AGRN: variants seen among roughly 807,000 people sequenced by gnomAD.
The protein encoded by AGRN is agrin.
A neutral mutation model predicts 211.0 loss-of-function variants in AGRN; 106 were observed. That is an observed-to-expected ratio of 0.50 (90% CI 0.43 to 0.59). The LOEUF (loss-of-function observed/expected upper bound fraction) is 0.59. Ranked by LOEUF, AGRN falls within the 20% of genes least tolerant of loss-of-function variation. AGRN has a pLI of 0.00. For missense variants in AGRN, 3,040 were observed against 2,982.6 expected (o/e 1.02, Z -0.45); for synonymous variants, 1,525 against 1,332.5 (o/e 1.14, Z -3.15).
chr1:1,036,024 T>G (rs1180509078), intron 3 of AGRN, among the ~76,000 whole-genome samples: 3 of 152,096 alleles, frequency 2.0e-5, no homozygotes, highest in African/African-American at 7.2e-5. Context: ...GGTGGCTCCC[T>G]CGCCAGGCCT....
intron 2 of AGRN, chr1:1,034,974 A>G (rs1353895366): frequency 7.7e-6 from 4 of 522,270 alleles, no homozygotes; most frequent in Non-Finnish European, 1.0e-5. Context: ...GGGGTAGGGC[A>G]GGACCTGCGG....
Position 1,040,546 on chromosome 1 carries a change from C to T in AGRN, c.512-119C>T. The T allele has an allele frequency of 2.4e-6, 3 of 1,248,030 alleles. No homozygotes were observed. The Admixed American group carries it at 6.1e-5, about 25-fold the overall frequency. 77.3% of individuals were successfully genotyped at this position (1,248,030 alleles called of 1,614,324 possible). On this transcript the variant is annotated intron_variant, in intron 3 of 35. Coordinates refer to ENST00000379370, the MANE Select transcript of AGRN (RefSeq NM_198576.4). ...CGCGTGTCCGTGTCCGTGGTGGACC[C>T]CCGATGCGGCGCGGGGGCGGGTGAA...
Position 1,046,035 on chromosome 1 carries a change from T to G in AGRN, c.2752T>G (p.Ser918Ala). The change falls in exon 16 of 36, where the codon TCA becomes GCA. Residue 918 changes from serine to alanine, a missense_variant. Ser to Ala is a moderately conservative substitution (Grantham distance 99, BLOSUM62 1). Coordinates refer to ENST00000379370, the MANE Select transcript of AGRN (RefSeq NM_198576.4). ...FGARCVEESG[S>A]AHCVCPMLTC... is the part of the protein sequence containing the mutation. ...TGCGCGGTGCGTGGAGGAGTCTGGC[T>G]CAGCCCACTGTGTCTGCCCGATGCT... 1 of 1,614,032 alleles carries G rather than the reference T, an allele frequency of 6.2e-7. No individual in the cohort carries two copies. The highest frequency in any genetic ancestry group is 1.1e-5 in the South Asian group (1 of 91,088).
At chr1:1,051,850 T>C (rs374968518) in intron 33 of AGRN, 35 bp downstream of exon 33, 1 of 1,611,858 alleles carries the variant, frequency 6.2e-7, no homozygotes, top group Non-Finnish European at 8.5e-7. Flanking sequence ...GTCGGTTCCA[T>C]CTGTGCCCTC....
rs925423067 is a variant in AGRN at position 1,049,337 on chromosome 1, C to T, written c.4400C>T (p.Thr1467Ile). The change falls in exon 25 of 36, where the codon ACC (threonine) becomes ATC (isoleucine). Residue 1467 changes from threonine (T) to isoleucine (I), a missense_variant. Physicochemically the swap from Thr to Ile is moderately conservative, Grantham distance 89. Coordinates refer to ENST00000379370, the MANE Select transcript of AGRN (RefSeq NM_198576.4). Reference protein sequence around the residue: ...LELSRHWRRGTLSVDGETPVL... With the variant: ...LELSRHWRRGILSVDGETPVL... ...CTGTCCCGGCACTGGCGCCGGGGCACCCTCTCGGTGGATGGTGAGACCCCT... is the reference window on the plus strand; with the variant it reads ...CTGTCCCGGCACTGGCGCCGGGGCATCCTCTCGGTGGATGGTGAGACCCCT... The T allele has an allele frequency of 5.6e-6, 9 of 1,598,100 alleles. No homozygotes were observed. The African/African-American group carries it at 1.2e-4, about 21-fold the overall frequency.
At chr1:1,052,318 CTG>C (rs1178047975) in intron 33 of AGRN, 2 of 350,836 alleles carry the variant, frequency 5.7e-6, no homozygotes, top group African/African-American at 2.1e-5. Flanking sequence ...GCAGCTGTGT[CTG>C]TGCGTGTCTA....
rs369442516 is a variant in AGRN, at chr1:1,043,315, G to A, written c.1461G>A (p.Ala487=). The A allele has an allele frequency of 4.0e-5, 65 of 1,610,918 alleles. No individual in the cohort carries two copies. The African/African-American group carries it at 6.9e-4, about 17-fold the overall frequency. ...GTGCTGTGAAGAACGGGCAGGCAGC[G>A]TGTGAATGCCTGCAGGCGTGCTCGA... The part of the protein sequence containing the change: ...ATCAVKNGQA[A]CECLQACSSL... The change falls in exon 8 of 36, where the codon GCG becomes GCA. Residue 487 remains alanine (A), a synonymous_variant. Coordinates refer to ENST00000379370, the MANE Select transcript of AGRN (RefSeq NM_198576.4).
Position 1,049,895 on chromosome 1 carries a change from C to G in AGRN, c.4745-8C>G. On this transcript the variant is annotated splice_region_variant and splice_polypyrimidine_tract_variant and intron_variant, in intron 26 of 35. Coordinates refer to ENST00000379370, the MANE Select transcript of AGRN (RefSeq NM_198576.4). ...ACCTCGGTCCCGGTCCCGTCTTCCT[C>G]CATCCAGGACCAACCTGTGCCGATG... is the stretch of plus-strand genomic sequence containing the variant. 3.7e-6 allele frequency: 6 copies of G among 1,612,010 alleles called. No homozygotes were observed. The highest frequency in any genetic ancestry group is 5.1e-6 in the Non-Finnish European group (6 of 1,179,692).
At chr1:1,038,257 A>G (rs2100619496) in intron 3 of AGRN, among the ~76,000 whole-genome samples, 1 of 152,264 alleles carries the variant, frequency 6.6e-6, no homozygotes, top group Non-Finnish European at 1.5e-5. Flanking sequence ...AGGGGCCAGG[A>G]CCTGGCCCTG....
intron 2 of AGRN, among the ~76,000 whole-genome samples, chr1:1,030,101 A>G (rs28971853): frequency 0.047 from 792 of 16,690 alleles, 38 homozygotes; most frequent in East Asian, 0.16. Context: ...TGAGATCAGC[A>G]TGTGTGTGTG....
Position 1,054,925 on chromosome 1 carries a change from C to A in AGRN, c.6082C>A (p.His2028Asn), listed in dbSNP as rs768371328. The change falls in exon 36 of 36, where the codon CAC becomes AAC. Residue 2028 changes from histidine (H) to asparagine (N), a missense_variant. This residue lies in a region of AGRN where 1,537 missense variants were observed against 1,505.0 expected (regional missense o/e 1.02). Transcript: ENST00000379370. ...CGTGGTGGTGGGCCGGCACCCGCTG[C>A]ACCTGCTGGAGGACGCCGTCACCAA... Reference protein sequence around the residue: ...RDVVVGRHPLHLLEDAVTKPE... With the variant: ...RDVVVGRHPLNLLEDAVTKPE... 1.9e-6 allele frequency: 3 copies of A among 1,548,706 alleles called. No homozygotes were observed. In the African/African-American group the frequency reaches 4.1e-5, roughly 21 times the overall value.
In AGRN at chr1:1,043,840, G is replaced by A. The variant is rs747982009; in HGVS notation, c.1816G>A (p.Val606Met). 8.1e-6 allele frequency: 13 copies of A among 1,611,372 alleles called. No individual in the cohort carries two copies. The highest frequency in any genetic ancestry group is 2.7e-5 in the African/African-American group (2 of 74,978). The change falls in exon 10 of 36, where the codon GTG (valine) becomes ATG (methionine). Residue 606 changes from valine to methionine, a missense_variant. Physicochemically the swap from Val to Met is conservative, Grantham distance 21. Around this residue, in one of 3 missense-constraint regions of AGRN, gnomAD observed 1,498 missense variants for 1,457.8 expected, o/e 1.03. Coordinates refer to ENST00000379370, the MANE Select transcript of AGRN (RefSeq NM_198576.4). The stretch of plus-strand genomic sequence containing the variant: ...TCCTGCAGAGACCTGTGGAGATGCC[G>A]TGTGTGCTTTTGGGGCTGTGTGCTC... Reference protein sequence around the residue: ...AGPCETCGDAVCAFGAVCSAG... With the variant: ...AGPCETCGDAMCAFGAVCSAG...
In AGRN at chr1:1,049,513, G is replaced by A. The variant is rs541879213; in HGVS notation, c.4515-53G>A. 1.9e-6 allele frequency: 3 copies of A among 1,595,534 alleles called. No homozygotes were observed. The South Asian group carries it at 3.4e-5, about 18-fold the overall frequency. Reference sequence around the variant, plus strand: ...GCCCTTTGGGGTCCCGGTGTACGAGGTGGCTTTGCCTGTGGCCCCTGAGCC... The same window carrying A: ...GCCCTTTGGGGTCCCGGTGTACGAGATGGCTTTGCCTGTGGCCCCTGAGCC... On this transcript the variant is annotated intron_variant, in intron 25 of 35. Transcript: ENST00000379370.
rs1466440561 is a variant in AGRN at position 1,046,228 on chromosome 1, C to A, written c.2874C>A (p.Gly958=). 4 of 1,613,614 alleles carry A rather than the reference C, an allele frequency of 2.5e-6. No homozygotes were observed. Among genetic ancestry groups the A allele is most frequent in the South Asian group, 1.1e-5 (1 of 91,084 alleles). Residue 958 remains glycine (G), a synonymous_variant, in exon 17 of 36, where the codon GGC becomes GGA. Transcript: ENST00000379370. ...TGAAGACCATCGCCTGCCGCCAGGG[C>A]CTGCAAATCTCTATCCAGAGCCTGG... ...CQLKTIACRQ[G]LQISIQSLGP... is the part of the protein sequence containing the mutation.
chr1:1,046,425 A>C lies in AGRN; in HGVS notation c.2940A>C (p.Thr980=), dbSNP rs777226145. ...QEAVAPSTHP[T]SASVTVTTPG... ...CTGTTGCTCCCAGCACTCACCCGACATCTGCCTCCGTGACTGTGACCACCC... is the reference window on the plus strand; with the variant it reads ...CTGTTGCTCCCAGCACTCACCCGACCTCTGCCTCCGTGACTGTGACCACCC... The change falls in exon 18 of 36, where the codon ACA becomes ACC. Residue 980 remains threonine, a synonymous_variant. Transcript: ENST00000379370. 1.2e-6 allele frequency: 2 copies of C among 1,611,706 alleles called. No individual in the cohort carries two copies. Among genetic ancestry groups the C allele is most frequent in the Non-Finnish European group, 1.7e-6 (2 of 1,179,776 alleles).
chr1:1,049,203 G>A, intron 24 of AGRN, 33 bp from the exon 25 acceptor site: 1 of 1,517,798 alleles, frequency 6.6e-7, no homozygotes, highest in Non-Finnish European at 8.8e-7. Context: ...ACGGGGCCGG[G>A]CGATGGTCCT....
At chr1:1,052,649 C>T (rs1386220292) in intron 33 of AGRN, 2 of 151,794 alleles carry the variant, frequency 1.3e-5, no homozygotes, top group African/African-American at 6.1e-5. Context: ...ATGTGTGTGT[C>T]CGTGTGTGTG....
rs189331845 is a variant in AGRN at position 1,045,067 on chromosome 1, T to G, written c.2255-94T>G. The G allele has an allele frequency of 9.5e-5, 130 of 1,367,374 alleles. 2 individuals are homozygous for G. In the East Asian group the frequency reaches 2.7e-3, roughly 29 times the overall value. The allele number at this position is 1,367,374 out of a possible 1,614,324, so 84.7% of individuals were successfully genotyped here. The stretch of plus-strand genomic sequence containing the variant: ...GGGAGCTGGGATCGGGACGGCTGAG[T>G]GGTGACAGTGGGGGTAGGTGGAGGC... On this transcript the variant is annotated intron_variant, in intron 12 of 35. Transcript: ENST00000379370.
In AGRN at chr1:1,020,257, G is replaced by A. The variant is rs1306123300; in HGVS notation, c.85G>A (p.Gly29Arg). The change falls in exon 1 of 36, where the codon GGG becomes AGG. Residue 29 changes from glycine (G) to arginine (R), a missense_variant. Gly to Arg is a moderately radical substitution (Grantham distance 125, BLOSUM62 -2). Around this residue, in one of 3 missense-constraint regions of AGRN, gnomAD observed 1,498 missense variants for 1,457.8 expected, o/e 1.03. Coordinates refer to ENST00000379370, the MANE Select transcript of AGRN (RefSeq NM_198576.4). ...VAACVLPGAG[G>R]TCPERALERR... The stretch of plus-strand genomic sequence containing the variant: ...CGCGTGCGTCCTGCCCGGAGCCGGC[G>A]GGACATGCCCGGAGCGCGCGCTGGA... The A allele has an allele frequency of 4.8e-6, 7 of 1,459,252 alleles. No individual in the cohort carries two copies. Among genetic ancestry groups the A allele is most frequent in the South Asian group, 1.3e-5 (1 of 76,018 alleles). The allele number at this position is 1,459,252 out of a possible 1,614,324, so 90.4% of individuals were successfully genotyped here.
Sources: allele counts gnomAD v4.1 joint callset (sites outside exome capture counted in the v4.1 genomes callset), GRCh38; gene constraint gnomAD v4.1.1; regional missense constraint gnomAD v4.1.1; transcripts MANE v1.5; gene names NCBI Gene and HGNC (gene_info 2026-07-23, HGNC 2026-07-21).